Variants in PTPRS observed in about 807,000 individuals in gnomAD.
PTPRS encodes the protein protein tyrosine phosphatase receptor type S.
A neutral mutation model predicts 215.3 loss-of-function variants in PTPRS; 63 were observed. That is an observed-to-expected ratio of 0.29 (90% CI 0.24 to 0.36). PTPRS has a LOEUF of 0.36. Ranked by LOEUF, PTPRS falls within the 10% of genes least tolerant of loss-of-function variation. The pLI is 1.00. For synonymous variants in PTPRS, 1,404 were observed against 1,191.4 expected, an observed-to-expected ratio of 1.18 and a Z score of -3.68; for missense variants, 2,258 against 2,825.8, an observed-to-expected ratio of 0.80 and a Z score of 4.56.
Position 5,210,470 on chromosome 19 carries a change from C to A in PTPRS, c.5486G>T (p.Arg1829Leu). 6.2e-7 allele frequency: 1 copy of A among 1,614,134 alleles called. No individual in the cohort carries two copies. The change falls in exon 35 of 38, where the codon CGG becomes CTG. Residue 1829 changes from arginine (R) to leucine (L), a missense_variant and splice_region_variant. Physicochemically the swap from Arg to Leu is moderately radical, Grantham distance 102. Transcript: ENST00000262963. This position sits in a 1 kb window ranked among gnomAD's most constrained non-coding sequence, Gnocchi z 4.5. ...ILREFKVTDA[R>L]DGQSRTVRQF... ...CCGCCAGTCTGTCTCTTCACTCACC[C>A]GGGCATCTGTGACCTTGAACTCTCG...
Position 5,239,074 on chromosome 19 carries a change from G to A in PTPRS, c.1705-11C>T, listed in dbSNP as rs368036646. The A allele has an allele frequency of 5.0e-5, 81 of 1,608,612 alleles. 1 individual carries two copies. In the African/African-American group the frequency reaches 9.0e-4, roughly 18 times the overall value. On this transcript the variant is annotated splice_polypyrimidine_tract_variant and intron_variant, in intron 12 of 37. Coordinates refer to ENST00000262963, the MANE Select transcript of PTPRS (RefSeq NM_002850.4). ...GAAGGTCCTTCCCACCTGGGGGCAG[G>A]GCAGAGAAGGACAGAGAGGGATGGG...
rs896838747 is a variant in PTPRS, at chr19:5,339,058, T to C, written c.-95+1606A>G. 2.0e-5 allele frequency among the ~76,000 whole-genome samples: 3 copies of C among 152,100 alleles called. No individual in the cohort carries two copies. Among genetic ancestry groups the C allele is most frequent in the Non-Finnish European group, 2.9e-5 (2 of 68,016 alleles). ...TGCCTCCTCCGGCTTCTAGGTATCA[T>C]CCCTGCTGCTCAGCCGGGACTCCGA... On this transcript the variant is annotated intron_variant, in intron 1 of 37. Coordinates refer to ENST00000262963, the MANE Select transcript of PTPRS (RefSeq NM_002850.4). The surrounding 1 kb of genome is among the most constrained non-coding windows in gnomAD (Gnocchi z 4.2).
chr19:5,277,203 G>A (rs2047454129), intron 2 of PTPRS, among the ~76,000 whole-genome samples: 2 of 151,918 alleles, frequency 1.3e-5, no homozygotes, highest in South Asian at 2.1e-4. Context: ...GGGACTACAG[G>A]TACCCACAGC....
At chr19:5,258,170 C>T (rs2045719562) in intron 7 of PTPRS, 43 bp from the exon 8 acceptor site, 4 of 1,529,462 alleles carry the variant, frequency 2.6e-6, no homozygotes, top group Non-Finnish European at 3.6e-6. Context: ...AGAGGGGGGC[C>T]CAGGAGTGAA....
intron 1 of PTPRS, among the ~76,000 whole-genome samples, chr19:5,307,353 A>G (rs75192802): frequency 0.025 from 3,787 of 152,274 alleles, 146 homozygotes; most frequent in African/African-American, 0.085. Context: ...ATAAATAAAA[A>G]TAACAGTACA....
At chr19:5,299,273 CCTCCCTCT>C (rs1456607448) in intron 1 of PTPRS, among the ~76,000 whole-genome samples, 1 of 152,196 alleles carries the variant, frequency 6.6e-6, no homozygotes. Context: ...GCCCTCCATT[CCTCCCTCT>C]CTCCCCCTCA....
rs2045617232 is a variant in PTPRS, at chr19:5,257,133, G to C, written c.706+884C>G. On this transcript the variant is annotated intron_variant, in intron 8 of 37. Coordinates refer to ENST00000262963, the MANE Select transcript of PTPRS (RefSeq NM_002850.4). The surrounding 1 kb of genome is among the most constrained non-coding windows in gnomAD (Gnocchi z 4.4). ...CTACAACTTCTGAAAAGACCCAAGA[G>C]CCAACACACGAGATAAGAGGAGGCC... Among the ~76,000 whole-genome samples the C allele has an allele frequency of 6.7e-6, 1 of 149,868 alleles. No individual in the cohort carries two copies. The highest frequency in any genetic ancestry group is 1.5e-5 in the Non-Finnish European group (1 of 67,502).
At chr19:5,222,455 G>A (rs540165469) in intron 18 of PTPRS, among the ~76,000 whole-genome samples, 20 of 146,972 alleles carry the variant, frequency 1.4e-4, no homozygotes, top group African/African-American at 5.1e-4. Context: ...GGTGGAGGAG[G>A]AGGAAGAGGG....
chr19:5,225,656 C>T, intron 17 of PTPRS, 71 bp downstream of exon 17: 1 of 1,326,328 alleles, frequency 7.5e-7, no homozygotes. Flanking sequence ...CTCAAGGACT[C>T]TGGAGTCACG....
chr19:5,240,795 C>T (rs530540719), intron 11 of PTPRS, among the ~76,000 whole-genome samples: 74 of 150,478 alleles, frequency 4.9e-4, no homozygotes, highest in South Asian at 6.4e-4. Context: ...GCGGAGATCG[C>T]GCCACTGCAC....
chr19:5,272,248 A>G (rs1005152079), intron 4 of PTPRS, among the ~76,000 whole-genome samples: 6 of 152,118 alleles, frequency 3.9e-5, no homozygotes, highest in African/African-American at 1.2e-4. Flanking sequence ...TTGCTTCCTC[A>G]TTATAAAACA....
In PTPRS at chr19:5,273,494, G is replaced by A; in HGVS notation, c.327C>T (p.Ala109=). The change falls in exon 4 of 38, where the codon GCC becomes GCT. Residue 109 remains alanine (A), a synonymous_variant. Coordinates refer to ENST00000262963, the MANE Select transcript of PTPRS (RefSeq NM_002850.4). ...PRDENVYECV[A]QNSVGEITVH... ...CTGTGATCTCCCCAACCGAGTTCTG[G>A]GCCACACACTCGTACACGTTTTCAT... 6.2e-7 allele frequency: 1 copy of A among 1,614,152 alleles called. No individual in the cohort carries two copies. Among genetic ancestry groups the A allele is most frequent in the South Asian group, 1.1e-5 (1 of 91,070 alleles).
chr19:5,267,087 G>A (rs1223332133), intron 4 of PTPRS, among the ~76,000 whole-genome samples: 2 of 152,240 alleles, frequency 1.3e-5, no homozygotes, highest in Middle Eastern at 3.4e-3. Flanking sequence ...CTCAATCCTG[G>A]TTGAGCACTC....
chr19:5,221,233 T>C lies in PTPRS; in HGVS notation c.3222A>G (p.Thr1074=). Residue 1074 remains threonine, a synonymous_variant, in exon 20 of 38, where the codon ACA becomes ACG. Transcript: ENST00000262963. ...TGGTGGTACGGCCATCCACATCCAG[T>C]GTGAGCCCATTGTACTGGATCTGCG... The part of the protein sequence containing the change: ...TPYKIQYNGL[T]LDVDGRTTKK... 1 of 1,613,430 alleles carries C rather than the reference T, an allele frequency of 6.2e-7. No individual in the cohort carries two copies. The highest frequency in any genetic ancestry group is 8.5e-7 in the Non-Finnish European group (1 of 1,179,678).
chr19:5,327,565 C>G (rs941159713), intron 1 of PTPRS, among the ~76,000 whole-genome samples: 2 of 152,156 alleles, frequency 1.3e-5, no homozygotes, highest in African/African-American at 4.8e-5. Context: ...ACCTGTCTGG[C>G]CAGACACACA....
intron 9 of PTPRS, among the ~76,000 whole-genome samples, chr19:5,254,605 G>C (rs2045413012): frequency 6.6e-6 from 1 of 152,150 alleles, no homozygotes. Flanking sequence ...GAGAGCAGGG[G>C]AGAGGCTGTG....
chr19:5,331,833 T>C (rs2050335818), intron 1 of PTPRS, among the ~76,000 whole-genome samples: 1 of 152,232 alleles, frequency 6.6e-6, no homozygotes, highest in Non-Finnish European at 1.5e-5. Context: ...TTTATCATTA[T>C]GACCAATATT....
rs576925139 is a variant in PTPRS at position 5,306,011 on chromosome 19, A to C, written c.-94-19777T>G. 1.8e-3 allele frequency among the ~76,000 whole-genome samples: 270 copies of C among 147,772 alleles called. 1 individual carries two copies. Among genetic ancestry groups the C allele is most frequent in the African/African-American group, 6.4e-3 (260 of 40,382 alleles). On this transcript the variant is annotated intron_variant, in intron 1 of 37. Transcript: ENST00000262963. ...GCCTGGAACAGAGAGAACCAGCAGC[A>C]CAATAGGTACAAATACTTGAGGAAG...
chr19:5,269,175 C>T (rs1032708448), intron 4 of PTPRS, among the ~76,000 whole-genome samples: 2 of 152,108 alleles, frequency 1.3e-5, no homozygotes, highest in Non-Finnish European at 2.9e-5. Context: ...CATGTATGTG[C>T]TCACGCTTGC....
Sources: allele counts gnomAD v4.1 joint callset (sites outside exome capture counted in the v4.1 genomes callset), GRCh38; gene constraint gnomAD v4.1.1; non-coding constraint Gnocchi (gnomAD v3.1); transcripts MANE v1.5; gene names NCBI Gene and HGNC (gene_info 2026-07-23, HGNC 2026-07-21).